CPE: variants seen among roughly 807,000 people sequenced by gnomAD.
CPE encodes carboxypeptidase E, also known as carbocypeptidase E.
Under a neutral mutation model 53.5 loss-of-function variants are expected in CPE, and 17 were observed. The observed-to-expected ratio is 0.32, with a 90% CI of 0.22 to 0.48. The LOEUF (loss-of-function observed/expected upper bound fraction) is 0.48. Ranked by LOEUF, CPE falls within the 20% of genes least tolerant of loss-of-function variation. The pLI, the probability that CPE is intolerant of heterozygous loss-of-function variation, is 0.99. For missense variants in CPE, 524 were observed against 614.7 expected, an observed-to-expected ratio of 0.85 and a Z score of 1.56; for synonymous variants, 226 against 228.8, an observed-to-expected ratio of 0.99 and a Z score of 0.11.
chr4:165,471,045 G>A (rs1293473224), intron 3 of CPE, among the ~76,000 whole-genome samples: 1 of 152,154 alleles, frequency 6.6e-6, no homozygotes, highest in Non-Finnish European at 1.5e-5. Context: ...TGGCCTGAAG[G>A]CAAGAGGAGA....
intron 3 of CPE, among the ~76,000 whole-genome samples, chr4:165,480,608 G>T (rs1458167395): frequency 6.6e-6 from 1 of 152,122 alleles, no homozygotes; most frequent in Non-Finnish European, 1.5e-5. Flanking sequence ...TCATCTGTAG[G>T]GTGGGGGAAA....
At chr4:165,497,310 A>G (rs1183644301) in intron 8 of CPE, among the ~76,000 whole-genome samples, 1 of 152,230 alleles carries the variant, frequency 6.6e-6, no homozygotes, top group Non-Finnish European at 1.5e-5. Flanking sequence ...AGGACATTTC[A>G]AACATAAGGC....
chr4:165,460,369 T>C (rs966213617), intron 1 of CPE, among the ~76,000 whole-genome samples: 2 of 152,338 alleles, frequency 1.3e-5, no homozygotes, highest in African/African-American at 2.4e-5. Flanking sequence ...ACAACAAAAA[T>C]AGCTTTGGGG....
intron 1 of CPE, among the ~76,000 whole-genome samples, chr4:165,381,784 C>T (rs1008290594): frequency 2.0e-5 from 3 of 152,198 alleles, no homozygotes; most frequent in African/African-American, 7.2e-5. Flanking sequence ...TGTGAATTAA[C>T]TTTAAGGAAG....
chr4:165,496,048 A>G (rs1433656398), intron 8 of CPE, among the ~76,000 whole-genome samples: 2 of 152,204 alleles, frequency 1.3e-5, no homozygotes, highest in African/African-American at 4.8e-5. Flanking sequence ...AGAAAATTTT[A>G]GGTGGTAACC....
intron 1 of CPE, among the ~76,000 whole-genome samples, chr4:165,439,027 T>C (rs1731562493): frequency 6.6e-6 from 1 of 152,208 alleles, no homozygotes; most frequent in Admixed American, 6.5e-5. Flanking sequence ...CAAAGGTGTC[T>C]GATTTTCAGT....
chr4:165,474,727 T>A (rs1358398238), intron 3 of CPE, among the ~76,000 whole-genome samples: 18 of 152,230 alleles, frequency 1.2e-4, no homozygotes, highest in Non-Finnish European at 1.5e-5. Context: ...GGTAATCTGT[T>A]AACCTAGAAC....
intron 1 of CPE, among the ~76,000 whole-genome samples, chr4:165,395,074 C>T (rs991349796): frequency 6.6e-5 from 10 of 151,922 alleles, no homozygotes; most frequent in Admixed American, 2.0e-4. Context: ...CAAACTCTAC[C>T]GAAATGATTA....
intron 1 of CPE, among the ~76,000 whole-genome samples, chr4:165,422,976 C>CAAA (rs58058891): frequency 0.28 from 21,325 of 76,184 alleles, 2,880 homozygotes; most frequent in Middle Eastern, 0.36. Context: ...AACTCTGTCT[C>CAAA]AAAAAAAAAA....
intron 1 of CPE, among the ~76,000 whole-genome samples, chr4:165,416,263 C>T (rs1027161143): frequency 3.9e-5 from 6 of 152,164 alleles, no homozygotes; most frequent in African/African-American, 1.4e-4. Context: ...GGGTCTTCAC[C>T]GATCCTCTGG....
rs1475480030 is a variant in CPE, at chr4:165,461,182, A to AGAAAGAAAG, written c.308-3208_308-3207insGAAAGAAAG. Among the ~76,000 whole-genome samples the AGAAAGAAAG allele has an allele frequency of 2.8e-3, 194 of 69,254 alleles. 2 individuals carry two copies. The highest frequency in any genetic ancestry group is 0.011 in the African/African-American group (181 of 17,080). The allele number at this position is 69,254 out of a possible 152,430, so 45.4% of individuals were successfully genotyped here. On this transcript the variant is annotated intron_variant, in intron 1 of 8. Coordinates refer to ENST00000402744, the MANE Select transcript of CPE (RefSeq NM_001873.4). ...CCTCTGCCTCAAAAAAAAAAAAAAA[A>AGAAAGAAAG]AAAAAGAAAGAAAGAAAAGAAAAGA...
At chr4:165,422,374 A>T (rs1731240775) in intron 1 of CPE, among the ~76,000 whole-genome samples, 1 of 151,736 alleles carries the variant, frequency 6.6e-6, no homozygotes, top group African/African-American at 2.4e-5. Context: ...TACAATAAAA[A>T]ATTGTTTGGT....
chr4:165,464,443 C>T lies in CPE; in HGVS notation c.361C>T (p.Arg121Ter), dbSNP rs1317332155. 2 of 1,613,300 alleles carry T rather than the reference C, an allele frequency of 1.2e-6. No individual in the cohort carries two copies. The change falls in exon 2 of 9, where the codon CGA becomes TGA. Residue 121 changes from arginine (R) to a stop codon, truncating the protein, a stop_gained. Coordinates refer to ENST00000402744, the MANE Select transcript of CPE (RefSeq NM_001873.4). LOFTEE classifies it high-confidence loss of function. ...TATGCATGGGAATGAGGCTGTTGGA[C>T]GAGAACTGCTCATTTTCTTGGCCCA... is the stretch of plus-strand genomic sequence containing the variant. The part of the protein sequence containing the change: ...GNMHGNEAVG[R>*]ELLIFLAQYL...
intron 1 of CPE, among the ~76,000 whole-genome samples, chr4:165,422,108 G>T (rs1001653118): frequency 6.6e-6 from 1 of 152,050 alleles, no homozygotes; most frequent in African/African-American, 2.4e-5. Context: ...ATGATTAAAA[G>T]AACTTAAAAA....
chr4:165,472,145 G>A (rs1560892282), intron 3 of CPE, among the ~76,000 whole-genome samples: 1 of 152,152 alleles, frequency 6.6e-6, no homozygotes, highest in Non-Finnish European at 1.5e-5. Context: ...AGTCATAAAA[G>A]GATTATTTTA....
At chr4:165,477,617 TTA>T (rs1732326730) in intron 3 of CPE, among the ~76,000 whole-genome samples, 1 of 152,166 alleles carries the variant, frequency 6.6e-6, no homozygotes, top group African/African-American at 2.4e-5. Flanking sequence ...TTTGTATCCC[TTA>T]TAGAGGTTCT....
At chr4:165,406,285 G>T in intron 1 of CPE, 1 of 599,040 alleles carries the variant, frequency 1.7e-6, no homozygotes. Flanking sequence ...ATATAACCTT[G>T]GGAGCGGAGG....
intron 1 of CPE, among the ~76,000 whole-genome samples, chr4:165,461,463 G>A (rs531595908): frequency 6.6e-6 from 1 of 152,078 alleles, no homozygotes; most frequent in African/African-American, 2.4e-5. Context: ...AAGCAAAGGG[G>A]AAGTTACTGA....
intron 1 of CPE, among the ~76,000 whole-genome samples, chr4:165,412,948 G>A (rs1731064141): frequency 6.6e-6 from 1 of 152,126 alleles, no homozygotes. Flanking sequence ...TTCCCTGCAG[G>A]TGCTCACTGT....
Sources: allele counts gnomAD v4.1 joint callset (sites outside exome capture counted in the v4.1 genomes callset), GRCh38; gene constraint gnomAD v4.1.1; transcripts MANE v1.5; gene names NCBI Gene and HGNC (gene_info 2026-07-23, HGNC 2026-07-21).